The following PHRF1 variants were observed in gnomAD, a reference collection of about 807,000 sequenced individuals.
PHRF1 encodes the protein PHD and ring finger domains 1, also known as PHD and RING finger domain-containing protein 1.
A neutral mutation model predicts 128.9 loss-of-function variants in PHRF1; 53 were observed. The observed-to-expected ratio is 0.41, with a 90% CI of 0.33 to 0.52. The LOEUF (loss-of-function observed/expected upper bound fraction) is 0.52. Ranked by LOEUF, PHRF1 falls within the 20% of genes least tolerant of loss-of-function variation. PHRF1 has a pLI of 0.21. For synonymous variants in PHRF1, 1,178 were observed against 980.6 expected (o/e 1.20, Z -3.76); for missense variants, 2,503 against 2,284.5 (o/e 1.10, Z -1.95).
intron 3 of PHRF1, among the ~76,000 whole-genome samples, chr11:582,397 TG>T (rs1195860017): frequency 6.6e-6 from 1 of 152,068 alleles, no homozygotes; most frequent in Non-Finnish European, 1.5e-5. Flanking sequence ...CGTGAGTAGC[TG>T]GGATTACAGG....
intron 6 of PHRF1, among the ~76,000 whole-genome samples, chr11:596,494 G>T (rs1253734867): frequency 3.3e-5 from 5 of 152,188 alleles, no homozygotes; most frequent in Admixed American, 2.6e-4. Flanking sequence ...AGCCACTGTC[G>T]GCCTGTGGGT....
In PHRF1 at chr11:608,724, C is replaced by G. The variant is rs771900836; in HGVS notation, c.3268C>G (p.Arg1090Gly). 5.6e-6 allele frequency: 9 copies of G among 1,611,060 alleles called. No individual in the cohort carries two copies. The South Asian group carries it at 6.6e-5, about 12-fold the overall frequency. Residue 1090 changes from arginine (R) to glycine (G), a missense_variant, in exon 14 of 18, where the codon CGG becomes GGG. Coordinates refer to ENST00000264555, the MANE Select transcript of PHRF1 (RefSeq NM_001286581.2). ...CTGGGGCCACAGCCGGAGGACGTCC[C>G]GGTCGCGGTCGGGGAGCCCTGGCAG... is the stretch of plus-strand genomic sequence containing the variant. ...GPWGHSRRTSRSRSGSPGSSS... is the reference protein window; with the variant it reads ...GPWGHSRRTSGSRSGSPGSSS...
intron 6 of PHRF1, among the ~76,000 whole-genome samples, chr11:596,359 C>A (rs903706802): frequency 7.9e-5 from 12 of 152,320 alleles, no homozygotes; most frequent in African/African-American, 2.6e-4. Flanking sequence ...AGCAAAGAAA[C>A]CTTCGCCTTC....
intron 6 of PHRF1, among the ~76,000 whole-genome samples, chr11:593,654 G>C (rs983309249): frequency 6.6e-6 from 1 of 152,234 alleles, no homozygotes; most frequent in East Asian, 1.9e-4. Flanking sequence ...CCTCCTTGGG[G>C]GTCCTGCAGG....
Position 592,902 on chromosome 11 carries a change from A to T in PHRF1, c.620+228A>T, listed in dbSNP as rs77377855. Among the ~76,000 whole-genome samples the T allele has an allele frequency of 1.8e-3, 268 of 152,362 alleles. 7 individuals carry two copies. In the East Asian group the frequency reaches 0.046, roughly 26 times the overall value. ...TGAGGCTGCCCACAGAAGTGCAGGTAATACATCAAGACAAAAAAGAAAACA... is the reference window on the plus strand; with the variant it reads ...TGAGGCTGCCCACAGAAGTGCAGGTTATACATCAAGACAAAAAAGAAAACA... On this transcript the variant is annotated intron_variant, in intron 6 of 17. Coordinates refer to ENST00000264555, the MANE Select transcript of PHRF1 (RefSeq NM_001286581.2).
chr11:586,764 C>G (rs1854592175), intron 3 of PHRF1, among the ~76,000 whole-genome samples: 1 of 152,122 alleles, frequency 6.6e-6, no homozygotes, highest in South Asian at 2.1e-4. Context: ...CTGCCTCCCA[C>G]AGGGAGGAGG....
At chr11:602,740 A>G (rs774123766) in intron 10 of PHRF1, among the ~76,000 whole-genome samples, 1 of 151,154 alleles carries the variant, frequency 6.6e-6, no homozygotes, top group African/African-American at 2.5e-5. Context: ...TGTTTGCTGA[A>G]TCTTTTTTGG....
At chr11:591,088 A>G (rs1854943555) in intron 4 of PHRF1, among the ~76,000 whole-genome samples, 1 of 152,346 alleles carries the variant, frequency 6.6e-6, no homozygotes, top group Admixed American at 6.5e-5. Context: ...GGCTCGCCGC[A>G]GAGGGGCCTG....
chr11:598,520 G>A lies in PHRF1; in HGVS notation c.1024+18G>A, dbSNP rs753965707. ...GAAGACAAGTAAGCCTGAAGGGATGGACTCTCCCGCCAGCCACAGGCTGGG... is the reference window on the plus strand; with the variant it reads ...GAAGACAAGTAAGCCTGAAGGGATGAACTCTCCCGCCAGCCACAGGCTGGG... On this transcript the variant is annotated intron_variant, in intron 9 of 17. Transcript: ENST00000264555. 3 of 1,600,970 alleles carry A rather than the reference G, an allele frequency of 1.9e-6. No homozygotes were observed. Among genetic ancestry groups the A allele is most frequent in the Non-Finnish European group, 2.6e-6 (3 of 1,176,398 alleles).
rs200926442 is a variant in PHRF1 at position 610,680 on chromosome 11, C to T, written c.4596C>T (p.Ala1532=). ...CCCTGACCCCAGCCTCAGAGCCAGC[C>T]AGTCAAGCCACTGCAGCCAGCAACT... ...PAALTPASEP[A]SQATAASNSE... The change falls in exon 16 of 18, where the codon GCC becomes GCT. Residue 1532 remains alanine, a synonymous_variant. Coordinates refer to ENST00000264555, the MANE Select transcript of PHRF1 (RefSeq NM_001286581.2). 9.0e-5 allele frequency: 144 copies of T among 1,603,438 alleles called. 1 individual carries two copies. In the East Asian group the frequency reaches 3.1e-3, roughly 34 times the overall value.
At chr11:603,979 A>G (rs1203349154) in intron 10 of PHRF1, among the ~76,000 whole-genome samples, 2 of 152,188 alleles carry the variant, frequency 1.3e-5, no homozygotes, top group African/African-American at 2.4e-5. Context: ...CTGGGATTCC[A>G]GGTGTGAGCC....
chr11:580,076 T>C (rs1854117809), intron 1 of PHRF1, among the ~76,000 whole-genome samples: 1 of 152,176 alleles, frequency 6.6e-6, no homozygotes, highest in Non-Finnish European at 1.5e-5. Flanking sequence ...TGGCCTCTTG[T>C]GCGATGCGCT....
intron 3 of PHRF1, among the ~76,000 whole-genome samples, chr11:587,010 C>T (rs767350300): frequency 3.9e-5 from 6 of 152,226 alleles, no homozygotes; most frequent in Non-Finnish European, 8.8e-5. Context: ...GCTGGTCTGG[C>T]ACTCAGGACG....
chr11:587,446 C>T lies in PHRF1; in HGVS notation c.402C>T (p.Cys134=). Reference sequence around the variant, plus strand: ...GTGCCCATTACTTCTGCCTGGACTGCATTGTCGAATGGTCCAAGGTGAGTT... The same window carrying T: ...GTGCCCATTACTTCTGCCTGGACTGTATTGTCGAATGGTCCAAGGTGAGTT... The part of the protein sequence containing the change: ...ENCAHYFCLD[C]IVEWSKNANS... The change falls in exon 4 of 18, where the codon TGC becomes TGT. Residue 134 remains cysteine (C), a synonymous_variant. Coordinates refer to ENST00000264555, the MANE Select transcript of PHRF1 (RefSeq NM_001286581.2). 6.2e-7 allele frequency: 1 copy of T among 1,613,370 alleles called. No homozygotes were observed. Among genetic ancestry groups the T allele is most frequent in the Non-Finnish European group, 8.5e-7 (1 of 1,179,890 alleles).
At chr11:607,007 C>T in intron 13 of PHRF1, 59 bp from the exon 14 acceptor site, 1 of 1,516,602 alleles carries the variant, frequency 6.6e-7, no homozygotes, top group South Asian at 1.3e-5. Context: ...AAAATTAAAC[C>T]ACTGACATTT....
chr11:609,187 C>A lies in PHRF1; in HGVS notation c.3731C>A (p.Pro1244His), dbSNP rs1418433137. 1 of 1,607,546 alleles carries A rather than the reference C, an allele frequency of 6.2e-7. No individual in the cohort carries two copies. Among genetic ancestry groups the A allele is most frequent in the Non-Finnish European group, 8.5e-7 (1 of 1,179,514 alleles). Residue 1244 changes from proline (P) to histidine (H), a missense_variant, in exon 14 of 18, where the codon CCT (proline) becomes CAT (histidine). Transcript: ENST00000264555. ...GACAAGGCCCCCCTGCAGGCTCCCC[C>A]TGTCCTGGAGGTGGCAGCTGAGTGT... ...TADKAPLQAPPVLEVAAECEP... is the reference protein window; with the variant it reads ...TADKAPLQAPHVLEVAAECEP...
intron 1 of PHRF1, among the ~76,000 whole-genome samples, chr11:579,839 C>T (rs539575869): frequency 3.9e-5 from 6 of 152,372 alleles, no homozygotes; most frequent in African/African-American, 9.6e-5. Flanking sequence ...TATAAGGCAT[C>T]ATCTTAGAAT....
At chr11:595,019 A>G (rs978354395) in intron 6 of PHRF1, among the ~76,000 whole-genome samples, 1 of 152,250 alleles carries the variant, frequency 6.6e-6, no homozygotes. Context: ...ATTTTCAGTT[A>G]AGTCTGACTT....
chr11:585,170 C>G (rs1854457991), intron 3 of PHRF1, among the ~76,000 whole-genome samples: 1 of 152,214 alleles, frequency 6.6e-6, no homozygotes, highest in Admixed American at 6.5e-5. Context: ...ATTGCTTTTC[C>G]CACCCTGGTG....
Sources: gnomAD v4.1 joint callset for allele counts (sites outside exome capture counted in the v4.1 genomes callset) on GRCh38, gnomAD v4.1.1 for gene constraint, MANE v1.5 for transcripts, NCBI Gene and HGNC (gene_info 2026-07-23, HGNC 2026-07-21) for gene names.